RBMS1: variants seen among roughly 807,000 people sequenced by gnomAD.
RBMS1 encodes RNA-binding motif, single-stranded-interacting protein 1.
A neutral mutation model predicts 62.3 loss-of-function variants in RBMS1; 17 were observed. That is an observed-to-expected ratio of 0.27 (90% CI 0.19 to 0.41). The LOEUF (loss-of-function observed/expected upper bound fraction) is 0.41. RBMS1 is among the 10% of genes least tolerant of loss of function. The pLI is 1.00. For missense variants in RBMS1, 334 were observed against 504.5 expected, an observed-to-expected ratio of 0.66 and a Z score of 3.24; for synonymous variants, 172 against 170.0, an observed-to-expected ratio of 1.01 and a Z score of -0.09.
At chr2:160,410,895 C>T (rs1696004120) in intron 1 of RBMS1, among the ~76,000 whole-genome samples, 1 of 152,220 alleles carries the variant, frequency 6.6e-6, no homozygotes, top group Non-Finnish European at 1.5e-5. Flanking sequence ...AGGCGTGTGC[C>T]ACCACGCCTG....
At chr2:160,428,432 T>C (rs1417476394) in intron 1 of RBMS1, among the ~76,000 whole-genome samples, 3 of 152,182 alleles carry the variant, frequency 2.0e-5, no homozygotes, top group Non-Finnish European at 2.9e-5. Flanking sequence ...TATTTCATAG[T>C]TTAGTCCCAA....
chr2:160,276,717 G>C (rs1235806439), intron 12 of RBMS1: 1 of 152,106 alleles, frequency 6.6e-6, no homozygotes, highest in African/African-American at 2.4e-5. Context: ...TTTCCACTAA[G>C]TATCTTAACT....
rs1482162668 is a variant in RBMS1, at chr2:160,447,055, G to A, written c.75+46234C>T. 5.3e-5 allele frequency among the ~76,000 whole-genome samples: 8 copies of A among 152,162 alleles called. 1 individual carries two copies. Among genetic ancestry groups the A allele is most frequent in the African/African-American group, 1.9e-4 (8 of 41,420 alleles). ...GTAGAATGTGTTAATCAGTATAGAC[G>A]AAGTACTTACGAAATAACCTTCAAA... On this transcript the variant is annotated intron_variant, in intron 1 of 13. Transcript: ENST00000348849.
intron 1 of RBMS1, among the ~76,000 whole-genome samples, chr2:160,384,023 C>T (rs1390114880): frequency 2.6e-5 from 4 of 152,104 alleles, no homozygotes; most frequent in East Asian, 1.9e-4. Context: ...CAGTGAAACC[C>T]CGTCTCTACT....
At chr2:160,382,923 C>T (rs1694353258) in intron 1 of RBMS1, among the ~76,000 whole-genome samples, 1 of 151,958 alleles carries the variant, frequency 6.6e-6, no homozygotes. Context: ...TAGAGCCATC[C>T]TAATACAATT....
intron 1 of RBMS1, among the ~76,000 whole-genome samples, chr2:160,428,787 T>C (rs1682762268): frequency 2.0e-5 from 3 of 152,240 alleles, no homozygotes; most frequent in African/African-American, 7.2e-5. Flanking sequence ...TCTTTGGCAA[T>C]GGGGTGGGGA....
At position 160,388,323 on chromosome 2, in the gene RBMS1, AGCCTAAAAT is replaced by A. The variant is rs1694687350; in HGVS notation, c.76-20941_76-20933del. ...CAGTGAGATTCCAGGTAACCCAGAT[AGCCTAAAAT>A]GCCCCCCACATTGTTTTTGCCGGCG... On this transcript the variant is annotated intron_variant, in intron 1 of 13. Coordinates refer to ENST00000348849, the MANE Select transcript of RBMS1 (RefSeq NM_016836.4). Among the ~76,000 whole-genome samples, 3 of 152,196 alleles carry A rather than the reference AGCCTAAAAT, an allele frequency of 2.0e-5. No homozygotes were observed. In the South Asian group the frequency reaches 6.2e-4, roughly 31 times the overall value.
chr2:160,359,208 TTAA>T, intron 2 of RBMS1, among the ~76,000 whole-genome samples: 1 of 152,034 alleles, frequency 6.6e-6, no homozygotes, highest in East Asian at 1.9e-4. Flanking sequence ...AGCCTCTAAT[TTAA>T]CCCTACACGA....
chr2:160,279,733 C>A (rs1280205117), intron 10 of RBMS1: 1 of 152,112 alleles, frequency 6.6e-6, no homozygotes, highest in Non-Finnish European at 1.5e-5. Flanking sequence ...CCCTTAAATA[C>A]AACTGTTATT....
At chr2:160,318,335 C>T (rs1690352949) in intron 2 of RBMS1, 108 bp from the exon 3 acceptor site, 1 of 1,382,386 alleles carries the variant, frequency 7.2e-7, no homozygotes, top group African/African-American at 1.5e-5. Context: ...TCTTTTCAAA[C>T]ATCTGCAAAC....
At chr2:160,318,051 A>G (rs1690323170) in intron 3 of RBMS1, 118 bp downstream of exon 3, 1 of 1,408,744 alleles carries the variant, frequency 7.1e-7, no homozygotes, top group Middle Eastern at 1.8e-4. Flanking sequence ...AAACTGGGTG[A>G]TATATAAGAT....
chr2:160,428,984 T>C (rs1021836433), intron 1 of RBMS1, among the ~76,000 whole-genome samples: 12 of 152,220 alleles, frequency 7.9e-5, no homozygotes, highest in Admixed American at 1.3e-4. Flanking sequence ...AGTTTGGCTA[T>C]TAGTGCTTTC....
At chr2:160,296,919 A>C (rs1019456288) in intron 6 of RBMS1, among the ~76,000 whole-genome samples, 2 of 152,222 alleles carry the variant, frequency 1.3e-5, no homozygotes, top group East Asian at 3.9e-4. Flanking sequence ...TCCCAGCCTG[A>C]GTATTTGGGA....
At chr2:160,324,907 T>TATATACACACAC (rs1321182985) in intron 2 of RBMS1, among the ~76,000 whole-genome samples, 1 of 106,776 alleles carries the variant, frequency 9.4e-6, no homozygotes, top group African/African-American at 4.2e-5. Context: ...TATATATATA[T>TATATACACACAC]ACACACACAC....
At chr2:160,431,818 T>C (rs1471324310) in intron 1 of RBMS1, among the ~76,000 whole-genome samples, 1 of 152,202 alleles carries the variant, frequency 6.6e-6, no homozygotes. Flanking sequence ...CTTAAATTAC[T>C]TATACCAGAA....
intron 1 of RBMS1, among the ~76,000 whole-genome samples, chr2:160,458,830 T>C (rs539294166): frequency 6.6e-6 from 1 of 152,210 alleles, no homozygotes; most frequent in African/African-American, 2.4e-5. Flanking sequence ...AGTAACTTTT[T>C]AAACATGAAG....
chr2:160,404,053 C>A (rs915809173), intron 1 of RBMS1, among the ~76,000 whole-genome samples: 2 of 152,120 alleles, frequency 1.3e-5, no homozygotes, highest in Non-Finnish European at 2.9e-5. Flanking sequence ...TCTTTTCATA[C>A]GATCAGATTG....
chr2:160,290,727 A>G (rs75776323), intron 6 of RBMS1, among the ~76,000 whole-genome samples: 2,698 of 152,274 alleles, frequency 0.018, 103 homozygotes, highest in African/African-American at 0.061. Flanking sequence ...GCATTTGTTA[A>G]AGGCCCCAGG....
intron 1 of RBMS1, among the ~76,000 whole-genome samples, chr2:160,384,512 T>G (rs1430649410): frequency 1.3e-5 from 2 of 152,212 alleles, no homozygotes; most frequent in African/African-American, 4.8e-5. Context: ...TTCTTTGGCT[T>G]GGGCAACTTC....
Sources: allele counts gnomAD v4.1 joint callset (sites outside exome capture counted in the v4.1 genomes callset), GRCh38; gene constraint gnomAD v4.1.1; transcripts MANE v1.5; gene names NCBI Gene and HGNC (gene_info 2026-07-23, HGNC 2026-07-21).